Variants in AFDN observed in about 807,000 individuals in gnomAD.
The protein encoded by AFDN is afadin.
AFDN carries 68 observed loss-of-function variants against 216.6 expected under a neutral mutation model. The ratio of observed to expected loss-of-function variants is 0.31; its 90% CI spans 0.26 to 0.38. The LOEUF (loss-of-function observed/expected upper bound fraction) is 0.38, where lower values mean the gene tolerates loss of function less well. AFDN is among the 10% of genes least tolerant of loss of function. The pLI is 1.00. For synonymous variants in AFDN, 868 were observed against 853.7 expected (o/e 1.02, Z -0.29); for missense variants, 2,136 against 2,342.0 (o/e 0.91, Z 1.82).
At chr6:167,950,459 T>C (rs574032144) in intron 29 of AFDN, among the ~76,000 whole-genome samples, 11 of 151,842 alleles carry the variant, frequency 7.2e-5, no homozygotes, top group Non-Finnish European at 1.3e-4. Context: ...CACACACACA[T>C]ACCCCTACCT....
rs533398004 is a variant in AFDN, at chr6:167,860,979, T to C, written c.106-3572T>C. 2.6e-5 allele frequency among the ~76,000 whole-genome samples: 4 copies of C among 152,332 alleles called. No homozygotes were observed. In the South Asian group the frequency reaches 6.2e-4, roughly 24 times the overall value. ...TCAAACTCCCAGCAGAGCATGGTGA[T>C]GTAGGCAGGTCTGGGGCCAGTTAAT... On this transcript the variant is annotated intron_variant, in intron 1 of 33. Coordinates refer to ENST00000683244, the MANE Select transcript of AFDN (RefSeq NM_001386888.1).
chr6:167,859,081 T>C (rs1328068445), intron 1 of AFDN, among the ~76,000 whole-genome samples: 1 of 151,284 alleles, frequency 6.6e-6, no homozygotes, highest in Non-Finnish European at 1.5e-5. Flanking sequence ...GTTTTTTTTT[T>C]TTTTTTTTTC....
chr6:167,848,462 G>A (rs1781940028), intron 1 of AFDN, among the ~76,000 whole-genome samples: 1 of 152,064 alleles, frequency 6.6e-6, no homozygotes, highest in Non-Finnish European at 1.5e-5. Context: ...GCATTATTCT[G>A]TTGTCCGTAT....
At chr6:167,938,157 C>T (rs1794236569) in intron 23 of AFDN, among the ~76,000 whole-genome samples, 1 of 152,142 alleles carries the variant, frequency 6.6e-6, no homozygotes, top group Non-Finnish European at 1.5e-5. Context: ...AGTGGGCTGG[C>T]AGGTGAGCCT....
chr6:167,852,847 A>G (rs1396169666), intron 1 of AFDN, among the ~76,000 whole-genome samples: 2 of 152,090 alleles, frequency 1.3e-5, no homozygotes, highest in Admixed American at 1.3e-4. Context: ...TTCTGCTGGT[A>G]TTCAGATTGT....
chr6:167,856,714 T>A (rs2128200731), intron 1 of AFDN, among the ~76,000 whole-genome samples: 1 of 152,216 alleles, frequency 6.6e-6, no homozygotes, highest in Middle Eastern at 3.4e-3. Context: ...GAGAAGTTGG[T>A]ACTGTTATCT....
chr6:167,857,078 C>T (rs1370980675), intron 1 of AFDN, among the ~76,000 whole-genome samples: 1 of 152,040 alleles, frequency 6.6e-6, no homozygotes, highest in African/African-American at 2.4e-5. Context: ...CTGAACTGTT[C>T]ATGGAAATGT....
Position 167,970,141 on chromosome 6 carries a change from T to TA in AFDN, c.*209dup, listed in dbSNP as rs1177798607. On this transcript the variant is annotated 3_prime_UTR_variant, in exon 34 of 34. Transcript: ENST00000683244. ...CCATGAGATTGCCATTTATGTAATT[T>TA]AAACACTGTCTAGTTTCTTAATTAT... The TA allele has an allele frequency of 1.3e-5, 7 of 519,906 alleles. No homozygotes were observed. Among genetic ancestry groups the TA allele is most frequent in the Non-Finnish European group, 2.3e-5 (7 of 303,778 alleles). The allele number at this position is 519,906 out of a possible 1,614,324, so 32.2% of individuals were successfully genotyped here.
intron 1 of AFDN, among the ~76,000 whole-genome samples, chr6:167,830,863 C>A (rs572210766): frequency 3.3e-5 from 5 of 149,816 alleles, no homozygotes; most frequent in African/African-American, 1.2e-4. Context: ...TAACTTATAG[C>A]TACATCTATA....
At chr6:167,904,551 C>T (rs996906509) in intron 12 of AFDN, among the ~76,000 whole-genome samples, 14 of 152,116 alleles carry the variant, frequency 9.2e-5, no homozygotes, top group African/African-American at 3.4e-4. Flanking sequence ...TATCCACTTG[C>T]ATATCCTGTA....
chr6:167,890,995 G>A lies in AFDN; in HGVS notation c.1143G>A (p.Pro381=), dbSNP rs141462028. 4.1e-5 allele frequency: 66 copies of A among 1,613,764 alleles called. No homozygotes were observed. In the South Asian group the frequency reaches 5.7e-4, roughly 14 times the overall value. ...DGSGYGSTLP[P]EKLPYLVELS... is the part of the protein sequence containing the mutation. ...CTGGCTATGGCTCCACCCTTCCTCC[G>A]GAGAAGCTGCCCTATTTAGTAGAGT... Residue 381 remains proline (P), a synonymous_variant, in exon 8 of 34, where the codon CCG becomes CCA. Coordinates refer to ENST00000683244, the MANE Select transcript of AFDN (RefSeq NM_001386888.1).
At chr6:167,965,656 C>T in intron 31 of AFDN, 101 bp from the exon 32 acceptor site, 3 of 1,111,946 alleles carry the variant, frequency 2.7e-6, no homozygotes, top group South Asian at 1.7e-5. Context: ...TAAACTTTGA[C>T]GTCAGTGTGA....
rs1256522085 is a variant in AFDN, at chr6:167,929,485, C to G, written c.3099+4394C>G. 2.0e-5 allele frequency among the ~76,000 whole-genome samples: 3 copies of G among 152,326 alleles called. No homozygotes were observed. In the East Asian group the frequency reaches 5.8e-4, roughly 29 times the overall value. ...CTACACTGCACCTGCAAATTTGTGA[C>G]TCCTGAATTAAACATGCTTCCCTCC... On this transcript the variant is annotated intron_variant, in intron 23 of 33. Transcript: ENST00000683244.
At chr6:167,867,516 G>A (rs544903744) in intron 2 of AFDN, among the ~76,000 whole-genome samples, 13 of 148,456 alleles carry the variant, frequency 8.8e-5, no homozygotes, top group Admixed American at 7.5e-4. Context: ...GGCAACCTCC[G>A]CCTCCCGGGT....
chr6:167,965,145 G>T, intron 31 of AFDN: 2 of 805,490 alleles, frequency 2.5e-6, no homozygotes, highest in Non-Finnish European at 3.0e-6. Context: ...GGGAGAATGA[G>T]TGTTTTTTTT....
chr6:167,951,359 G>A lies in AFDN; in HGVS notation c.4005G>A (p.Ser1335=), dbSNP rs753001377. 11 of 1,613,924 alleles carry A rather than the reference G, an allele frequency of 6.8e-6. No individual in the cohort carries two copies. The highest frequency in any genetic ancestry group is 6.7e-5 in the Admixed American group (4 of 59,988). The part of the protein sequence containing the change: ...SQEHLNHSSK[S]VTPASTLTKS... ...AGCATCTGAACCATTCCTCTAAGTC[G>A]GTCACCCCTGCTTCCACACTGACCA... Residue 1335 remains serine, a synonymous_variant, in exon 30 of 34, where the codon TCG becomes TCA. Coordinates refer to ENST00000683244, the MANE Select transcript of AFDN (RefSeq NM_001386888.1). This position sits in a 1 kb window ranked among gnomAD's most constrained non-coding sequence, Gnocchi z 7.1.
intron 1 of AFDN, among the ~76,000 whole-genome samples, chr6:167,837,198 C>A (rs973576667): frequency 2.6e-5 from 4 of 151,992 alleles, no homozygotes; most frequent in Admixed American, 1.3e-4. Flanking sequence ...TATATTCTTG[C>A]AAATATGATT....
intron 10 of AFDN, among the ~76,000 whole-genome samples, 196 bp from the exon 11 acceptor site, chr6:167,898,009 T>A (rs1179888205): frequency 6.6e-6 from 1 of 152,072 alleles, no homozygotes; most frequent in Non-Finnish European, 1.5e-5. Flanking sequence ...AAATAAAAGG[T>A]CTGATTGGTT....
rs1244860919 is a variant in AFDN at position 167,918,842 on chromosome 6, G to A, written c.2817G>A (p.Pro939=). The A allele has an allele frequency of 3.7e-6, 6 of 1,612,966 alleles. No individual in the cohort carries two copies. The highest frequency in any genetic ancestry group is 2.7e-5 in the African/African-American group (2 of 74,874). ...AGGAGGATCCTGATCTGCAGCTGCC[G>A]TTTCTTTTGCCAGAAGATGGTTATT... is the stretch of plus-strand genomic sequence containing the variant. ...QLEEDPDLQL[P]FLLPEDGYSC... Residue 939 remains proline, a synonymous_variant, in exon 21 of 34, where the codon CCG becomes CCA. Transcript: ENST00000683244.
Sources: gnomAD v4.1 joint callset for allele counts (sites outside exome capture counted in the v4.1 genomes callset) on GRCh38, gnomAD v4.1.1 for gene constraint, Gnocchi (gnomAD v3.1) non-coding constraint, MANE v1.5 for transcripts, NCBI Gene and HGNC (gene_info 2026-07-23, HGNC 2026-07-21) for gene names.